ZNF746: variants seen among roughly 807,000 people sequenced by gnomAD.
The protein encoded by ZNF746 is zinc finger protein 746, also known as parkin-interacting substrate.
In ZNF746, 13 loss-of-function variants were observed where a neutral mutation model predicts 41.0. That is an observed-to-expected ratio of 0.32 (90% CI 0.21 to 0.50). The LOEUF (loss-of-function observed/expected upper bound fraction) is 0.50, where lower values mean the gene tolerates loss of function less well. Among genes scored for constraint, ZNF746 ranks in the 20% least tolerant of loss-of-function variants. The pLI, the probability that ZNF746 is intolerant of heterozygous loss-of-function variation, is 0.98. For synonymous variants in ZNF746, 424 were observed against 396.2 expected (o/e 1.07, Z -0.83); for missense variants, 811 against 922.9 (o/e 0.88, Z 1.57).
Position 149,475,130 on chromosome 7 carries a change from G to C in ZNF746, c.1237C>G (p.Pro413Ala). The C allele has an allele frequency of 6.2e-7, 1 of 1,612,188 alleles. No homozygotes were observed. Among genetic ancestry groups the C allele is most frequent in the Middle Eastern group, 1.7e-4 (1 of 6,060 alleles). ...GGGGAGGAGTAAGGAAGCCCCTCGGGCCCCGTCCTCGGGTTCAGGCCCACT... is the reference window on the plus strand; with the variant it reads ...GGGGAGGAGTAAGGAAGCCCCTCGGCCCCCGTCCTCGGGTTCAGGCCCACT... ...PPVGLNPRTG[P>A]EGLPYSSPDN... The change falls in exon 7 of 7, where the codon CCC becomes GCC. Residue 413 changes from proline (P) to alanine (A), a missense_variant. Physicochemically the swap from Pro to Ala is conservative, Grantham distance 27. Transcript: ENST00000458143.
Position 149,497,658 on chromosome 7 carries a change from C to G in ZNF746, c.-122G>C, listed in dbSNP as rs1801059304. ...GGCGCCTGCCTGGCCTTTCCTCTGC[C>G]GCCGCTCCTCGCTGGCTGCCCCTGC... On this transcript the variant is annotated 5_prime_UTR_variant, in exon 1 of 7. Coordinates refer to ENST00000458143, the MANE Select transcript of ZNF746 (RefSeq NM_001394198.1). This position sits in a 1 kb window ranked among gnomAD's most constrained non-coding sequence, Gnocchi z 4.2. 1.3e-6 allele frequency: 1 copy of G among 745,316 alleles called. No individual in the cohort carries two copies. Among genetic ancestry groups the G allele is most frequent in the Non-Finnish European group, 1.6e-6 (1 of 607,364 alleles). 46.2% of individuals were successfully genotyped at this position (745,316 alleles called of 1,614,324 possible). A position where few individuals can be genotyped will look rare whatever the true frequency, so the allele number is the denominator to read the frequency against.
At chr7:149,478,986 T>TGA (rs1191428347) in intron 4 of ZNF746, among the ~76,000 whole-genome samples, 2 of 151,954 alleles carry the variant, frequency 1.3e-5, no homozygotes, top group African/African-American at 4.8e-5. Flanking sequence ...AGTACAACAC[T>TGA]GAGAGATAAA....
chr7:149,474,112 TAAAAA>T lies in ZNF746; in HGVS notation c.*267_*271del. On this transcript the variant is annotated 3_prime_UTR_variant, in exon 7 of 7. Coordinates refer to ENST00000458143, the MANE Select transcript of ZNF746 (RefSeq NM_001394198.1). The surrounding 1 kb of genome is among the most constrained non-coding windows in gnomAD (Gnocchi z 6.3). ...ATTTTCCAGCTTTTTCCTCAAGAAT[TAAAAA>T]AAAACAAAAAACAAAAAACAAAACA... 2.1e-6 allele frequency: 1 copy of T among 478,014 alleles called. No homozygotes were observed. The highest frequency in any genetic ancestry group is 3.8e-5 in the East Asian group (1 of 26,088). The allele number at this position is 478,014 out of a possible 1,614,324, so 29.6% of individuals were successfully genotyped here. A position where few individuals can be genotyped will look rare whatever the true frequency, so the allele number is the denominator to read the frequency against.
rs1007925267 is a variant in ZNF746, at chr7:149,473,833, G to A, written c.*551C>T. On this transcript the variant is annotated 3_prime_UTR_variant, in exon 7 of 7. Transcript: ENST00000458143. The stretch of plus-strand genomic sequence containing the variant: ...AAATGCAACCGCTACTCCCGGAGGG[G>A]TCCTTCCTGCTGCACTGAGGTGTGC... 1 of 157,244 alleles carries A rather than the reference G, an allele frequency of 6.4e-6. No homozygotes were observed. Among genetic ancestry groups the A allele is most frequent in the Non-Finnish European group, 1.4e-5 (1 of 70,722 alleles). 9.7% of individuals were successfully genotyped at this position (157,244 alleles called of 1,614,324 possible).
Position 149,475,501 on chromosome 7 carries a change from A to G in ZNF746, c.884-18T>C. 6.2e-7 allele frequency: 1 copy of G among 1,602,580 alleles called. No homozygotes were observed. Among genetic ancestry groups the G allele is most frequent in the Non-Finnish European group, 8.5e-7 (1 of 1,173,462 alleles). ...TACATCTGCTGAGAAAGACAGAAAG[A>G]CAGATACTGACCTGTCCCTTAACTG... On this transcript the variant is annotated intron_variant, in intron 6 of 6. Coordinates refer to ENST00000458143, the MANE Select transcript of ZNF746 (RefSeq NM_001394198.1).
At position 149,492,804 on chromosome 7, in the gene ZNF746, G is replaced by A. The variant is rs73166036; in HGVS notation, c.565+55C>T. ...AGATCACACCCTTTCTGGCCTTTCC[G>A]TCTCTGTTTCCTGCACAATACCTGA... On this transcript the variant is annotated intron_variant, in intron 4 of 6. Transcript: ENST00000458143. 1,416 of 1,281,470 alleles carry A rather than the reference G, an allele frequency of 1.1e-3. 2 individuals carry two copies. Among genetic ancestry groups the A allele is most frequent in the African/African-American group, 7.2e-3 (493 of 68,544 alleles). The allele number at this position is 1,281,470 out of a possible 1,614,324, so 79.4% of individuals were successfully genotyped here.
Position 149,474,879 on chromosome 7 carries a change from C to T in ZNF746, c.1488G>A (p.Gly496=). The change falls in exon 7 of 7, where the codon GGG becomes GGA. Residue 496 remains glycine (G), a synonymous_variant. Coordinates refer to ENST00000458143, the MANE Select transcript of ZNF746 (RefSeq NM_001394198.1). This position sits in a 1 kb window ranked among gnomAD's most constrained non-coding sequence, Gnocchi z 6.3. Reference sequence around the variant, plus strand: ...CGCCACCGCCTGTGCCCGGGCCCGACCCGTCGGGCGCCCCACAGCTGCGCT... The same window carrying T: ...CGCCACCGCCTGTGCCCGGGCCCGATCCGTCGGGCGCCCCACAGCTGCGCT... The part of the protein sequence containing the change: ...AHQRSCGAPD[G]SGPGTGGGGS... 1 of 1,509,132 alleles carries T rather than the reference C, an allele frequency of 6.6e-7. No homozygotes were observed. The allele number at this position is 1,509,132 out of a possible 1,614,324, so 93.5% of individuals were successfully genotyped here.
At position 149,495,763 on chromosome 7, in the gene ZNF746, G is replaced by A. The variant is rs143359074; in HGVS notation, c.25-1260C>T. On this transcript the variant is annotated intron_variant, in intron 1 of 6. Coordinates refer to ENST00000458143, the MANE Select transcript of ZNF746 (RefSeq NM_001394198.1). Reference sequence around the variant, plus strand: ...AGACAAAAGGAGAGTTTGAGCAGAGGGAGAAACAAACTTGTCTAGGACAGT... The same window carrying A: ...AGACAAAAGGAGAGTTTGAGCAGAGAGAGAAACAAACTTGTCTAGGACAGT... Among the ~76,000 whole-genome samples, 617 of 152,290 alleles carry A rather than the reference G, an allele frequency of 4.1e-3. 2 individuals are homozygous for A. The highest frequency in any genetic ancestry group is 0.014 in the African/African-American group (576 of 41,554).
intron 1 of ZNF746, among the ~76,000 whole-genome samples, chr7:149,495,903 A>C (rs1800979622): frequency 6.6e-6 from 1 of 152,166 alleles, no homozygotes; most frequent in African/African-American, 2.4e-5. Context: ...CGAAAACCCC[A>C]ATGCGGGTGG....
At chr7:149,486,272 G>C (rs1463573223) in intron 4 of ZNF746, among the ~76,000 whole-genome samples, 3 of 152,050 alleles carry the variant, frequency 2.0e-5, no homozygotes, top group African/African-American at 7.2e-5. Flanking sequence ...GCCCTCCTGG[G>C]AATACCAGTT....
chr7:149,488,789 GC>G (rs1292702818), intron 4 of ZNF746: 1 of 152,188 alleles, frequency 6.6e-6, no homozygotes, highest in Non-Finnish European at 1.5e-5. Flanking sequence ...ATGAAATCAA[GC>G]CTACGACGTG....
At position 149,497,238 on chromosome 7, in the gene ZNF746, G is replaced by A. The variant is rs1346099966; in HGVS notation, c.24+275C>T. ...GGAGGGGACAGCGGCTGGGGCGGGG[G>A]CAGGAAGCCCCGGAGGGCCCAAAGA... On this transcript the variant is annotated intron_variant, in intron 1 of 6. Transcript: ENST00000458143. The surrounding 1 kb of genome is among the most constrained non-coding windows in gnomAD (Gnocchi z 4.2). 10 of 982,710 alleles carry A rather than the reference G, an allele frequency of 1.0e-5. No homozygotes were observed. The highest frequency in any genetic ancestry group is 1.2e-5 in the Non-Finnish European group (10 of 827,496). The allele number at this position is 982,710 out of a possible 1,614,324, so 60.9% of individuals were successfully genotyped here.
rs975225850 is a variant in ZNF746 at position 149,474,293 on chromosome 7, C to G, written c.*91G>C. 15 of 1,446,404 alleles carry G rather than the reference C, an allele frequency of 1.0e-5. No homozygotes were observed. In the Admixed American group the frequency reaches 1.9e-4, roughly 18 times the overall value. The allele number at this position is 1,446,404 out of a possible 1,614,324, so 89.6% of individuals were successfully genotyped here. ...CTTGGACATTTGGTTCTCCCCGTCC[C>G]GCGTCTGCCTGAAGCTTCCACGCCG... On this transcript the variant is annotated 3_prime_UTR_variant, in exon 7 of 7. Transcript: ENST00000458143. This position sits in a 1 kb window ranked among gnomAD's most constrained non-coding sequence, Gnocchi z 6.3.
intron 4 of ZNF746, among the ~76,000 whole-genome samples, chr7:149,483,762 G>A (rs977598932): frequency 6.6e-6 from 1 of 152,038 alleles, no homozygotes; most frequent in Middle Eastern, 3.2e-3. Flanking sequence ...AGAAGACAAA[G>A]ATAGAATATA....
At chr7:149,496,674 C>A (rs1801006758) in intron 1 of ZNF746, among the ~76,000 whole-genome samples, 1 of 152,140 alleles carries the variant, frequency 6.6e-6, no homozygotes, top group Non-Finnish European at 1.5e-5. Flanking sequence ...CCTAGCCTTC[C>A]CTAAAAGCCC....
At chr7:149,485,303 C>A (rs1317363357) in intron 4 of ZNF746, among the ~76,000 whole-genome samples, 5 of 152,198 alleles carry the variant, frequency 3.3e-5, no homozygotes, top group Non-Finnish European at 7.3e-5. Flanking sequence ...AGTGTCAATT[C>A]TCTCCAAAAT....
rs1801043774 is a variant in ZNF746 at position 149,497,397 on chromosome 7, C to T, written c.24+116G>A. On this transcript the variant is annotated intron_variant, in intron 1 of 6. Transcript: ENST00000458143. This position sits in a 1 kb window ranked among gnomAD's most constrained non-coding sequence, Gnocchi z 4.2. Reference sequence around the variant, plus strand: ...GCCCCATTCGCGGGAGCCCCAGGCCCGGTGGTCCGGCCCGGACCCCGGAAC... The same window carrying T: ...GCCCCATTCGCGGGAGCCCCAGGCCTGGTGGTCCGGCCCGGACCCCGGAAC... The T allele has an allele frequency of 9.9e-7, 1 of 1,006,042 alleles. No homozygotes were observed. The highest frequency in any genetic ancestry group is 1.2e-6 in the Non-Finnish European group (1 of 839,086). 62.3% of individuals were successfully genotyped at this position (1,006,042 alleles called of 1,614,324 possible).
chr7:149,474,262 C>T lies in ZNF746; in HGVS notation c.*122G>A. 2.6e-6 allele frequency: 3 copies of T among 1,154,104 alleles called. No homozygotes were observed. Among genetic ancestry groups the T allele is most frequent in the Non-Finnish European group, 3.7e-6 (3 of 819,522 alleles). The allele number at this position is 1,154,104 out of a possible 1,614,324, so 71.5% of individuals were successfully genotyped here. A position where few individuals can be genotyped will look rare whatever the true frequency, so the allele number is the denominator to read the frequency against. ...TCTCTTTCTCCAGTGATCATCAGTTCAGCAACTTGGACATTTGGTTCTCCC... is the reference window on the plus strand; with the variant it reads ...TCTCTTTCTCCAGTGATCATCAGTTTAGCAACTTGGACATTTGGTTCTCCC... On this transcript the variant is annotated 3_prime_UTR_variant, in exon 7 of 7. Transcript: ENST00000458143. This position sits in a 1 kb window ranked among gnomAD's most constrained non-coding sequence, Gnocchi z 6.3.
chr7:149,474,949 G>A lies in ZNF746; in HGVS notation c.1418C>T (p.Thr473Met). ...TTGCAGCTGGAAGCTCTTCCCACAC[G>A]TGGCGCAGGTGAAGGGCCGGCCCCC... ...PPGGRPFTCA[T>M]CGKSFQLQVS... Residue 473 changes from threonine to methionine, a missense_variant, in exon 7 of 7, where the codon ACG (threonine) becomes ATG (methionine). Coordinates refer to ENST00000458143, the MANE Select transcript of ZNF746 (RefSeq NM_001394198.1). This position sits in a 1 kb window ranked among gnomAD's most constrained non-coding sequence, Gnocchi z 6.3. The A allele has an allele frequency of 1.9e-6, 3 of 1,545,740 alleles. No individual in the cohort carries two copies. Among genetic ancestry groups the A allele is most frequent in the South Asian group, 1.2e-5 (1 of 83,940 alleles).
Sources: gnomAD v4.1 joint callset for allele counts (sites outside exome capture counted in the v4.1 genomes callset) on GRCh38, gnomAD v4.1.1 for gene constraint, Gnocchi (gnomAD v3.1) non-coding constraint, MANE v1.5 for transcripts, NCBI Gene and HGNC (gene_info 2026-07-23, HGNC 2026-07-21) for gene names.